The following P3H2 variants were observed in gnomAD, a reference collection of about 807,000 sequenced individuals.
P3H2 encodes the protein leprecan-like 1.
In P3H2, 80 loss-of-function variants were observed where a neutral mutation model predicts 87.0. The ratio of observed to expected loss-of-function variants is 0.92; its 90% confidence interval spans 0.77 to 1.11. P3H2 has a LOEUF of 1.11. P3H2 is among the 50% of genes least tolerant of loss of function. The pLI is 0.00. For synonymous variants in P3H2, 367 were observed against 359.3 expected, an observed-to-expected ratio of 1.02 and a Z score of -0.24; for missense variants, 1,001 against 923.9, an observed-to-expected ratio of 1.08 and a Z score of -1.08.
intron 1 of P3H2, among the ~76,000 whole-genome samples, chr3:190,015,282 G>A (rs1383553999): frequency 2.0e-5 from 3 of 152,160 alleles, no homozygotes; most frequent in African/African-American, 7.2e-5. Context: ...TGATTTTTAA[G>A]ATGACTTCCA....
chr3:190,033,258 C>T (rs1725314517), intron 1 of P3H2, among the ~76,000 whole-genome samples: 1 of 152,142 alleles, frequency 6.6e-6, no homozygotes, highest in African/African-American at 2.4e-5. Flanking sequence ...TCCTAATGGG[C>T]CACAGACTTG....
At chr3:190,051,073 T>G (rs1725966859) in intron 1 of P3H2, among the ~76,000 whole-genome samples, 1 of 152,202 alleles carries the variant, frequency 6.6e-6, no homozygotes, top group Non-Finnish European at 1.5e-5. Flanking sequence ...CAGGTCTTGT[T>G]AGTTCACCTG....
chr3:189,994,227 G>T lies in P3H2; in HGVS notation c.690C>A (p.Ile230=). Residue 230 remains isoleucine, a synonymous_variant, in exon 3 of 15, where the codon ATC becomes ATA. Coordinates refer to ENST00000319332, the MANE Select transcript of P3H2 (RefSeq NM_018192.4). The stretch of plus-strand genomic sequence containing the variant: ...CTCTTAAGGCTTGTTCGAAGTGCCT[G>T]ATAGCCATCTCAAAGTCATCAGCCT... ...HYEADDFEMA[I]RHFEQALREY... The T allele has an allele frequency of 6.2e-7, 1 of 1,613,768 alleles. No individual in the cohort carries two copies. The highest frequency in any genetic ancestry group is 1.1e-5 in the South Asian group (1 of 91,062).
At chr3:190,107,796 G>A (rs1353435716) in intron 1 of P3H2, among the ~76,000 whole-genome samples, 1 of 152,084 alleles carries the variant, frequency 6.6e-6, no homozygotes, top group Non-Finnish European at 1.5e-5. Context: ...TTTCTTTCAA[G>A]CCTCAGAATA....
chr3:190,070,984 G>A (rs182056769), intron 1 of P3H2, among the ~76,000 whole-genome samples: 1 of 152,164 alleles, frequency 6.6e-6, no homozygotes, highest in African/African-American at 2.4e-5. Context: ...CAATTTATTA[G>A]AACAATTTTA....
intron 1 of P3H2, among the ~76,000 whole-genome samples, chr3:190,062,285 TC>T (rs1726354633): frequency 6.6e-6 from 1 of 152,126 alleles, no homozygotes; most frequent in African/African-American, 2.4e-5. Flanking sequence ...TAATTACCTG[TC>T]TTTTGGCATC....
At chr3:190,059,921 C>T (rs886315869) in intron 1 of P3H2, among the ~76,000 whole-genome samples, 12 of 152,168 alleles carry the variant, frequency 7.9e-5, no homozygotes, top group Non-Finnish European at 1.2e-4. Flanking sequence ...AAGTGTGTTA[C>T]GCTGGGAAAC....
intron 1 of P3H2, among the ~76,000 whole-genome samples, chr3:190,085,710 A>G (rs1727191068): frequency 6.6e-6 from 1 of 152,164 alleles, no homozygotes; most frequent in South Asian, 2.1e-4. Context: ...TATGTACAAA[A>G]GTGACTTTTG....
chr3:189,981,494 T>A (rs181097477), intron 8 of P3H2, among the ~76,000 whole-genome samples: 2,119 of 150,294 alleles, frequency 0.014, 43 homozygotes, highest in African/African-American at 0.049. Context: ...TAAAAAAAAA[T>A]TTTTTTTTTC....
intron 1 of P3H2, among the ~76,000 whole-genome samples, chr3:190,049,456 G>A (rs1372956004): frequency 6.6e-6 from 1 of 152,170 alleles, no homozygotes; most frequent in African/African-American, 2.4e-5. Context: ...AGAAAAAAAA[G>A]TTCTGGAGCT....
At chr3:190,117,132 C>T (rs1712318851) in intron 1 of P3H2, among the ~76,000 whole-genome samples, 1 of 152,176 alleles carries the variant, frequency 6.6e-6, no homozygotes, top group South Asian at 2.1e-4. Context: ...GCCCTGTGCT[C>T]ATTTCAACAG....
intron 1 of P3H2, among the ~76,000 whole-genome samples, chr3:190,036,945 A>T (rs73890169): frequency 6.6e-6 from 1 of 150,410 alleles, no homozygotes; most frequent in Non-Finnish European, 1.5e-5. Context: ...GAAAGATAAA[A>T]ATATATATAT....
intron 1 of P3H2, among the ~76,000 whole-genome samples, chr3:190,040,889 A>G (rs2108954318): frequency 6.6e-6 from 1 of 151,230 alleles, no homozygotes; most frequent in Admixed American, 6.6e-5. Context: ...GTGACCTTCA[A>G]GAAGGCACTA....
chr3:190,003,253 T>C (rs1267959549), intron 1 of P3H2, among the ~76,000 whole-genome samples: 2 of 152,156 alleles, frequency 1.3e-5, no homozygotes, highest in African/African-American at 4.8e-5. Flanking sequence ...TTAAACACTC[T>C]AGTGAAGTTT....
At chr3:189,984,675 A>C (rs886762043) in intron 6 of P3H2, 85 bp from the exon 7 acceptor site, 2 of 927,854 alleles carry the variant, frequency 2.2e-6, no homozygotes, top group Non-Finnish European at 3.5e-6. Context: ...TAAAATATGC[A>C]CAAAACATTC....
At chr3:190,014,751 GC>G (rs1353695283) in intron 1 of P3H2, among the ~76,000 whole-genome samples, 1 of 152,048 alleles carries the variant, frequency 6.6e-6, no homozygotes, top group African/African-American at 2.4e-5. Context: ...TAGCATGGAA[GC>G]CTCTTTATCA....
At chr3:190,005,001 CAAATCACTTGTCACAAATCATTTGTCAA>C (rs547019588) in intron 1 of P3H2, among the ~76,000 whole-genome samples, 233 of 152,250 alleles carry the variant, frequency 1.5e-3, no homozygotes, top group African/African-American at 5.6e-3. Context: ...GAATTTGTCA[CAAATCACTTGTCACAAATCATTTGTCAA>C]AAATCATATG....
intron 1 of P3H2, among the ~76,000 whole-genome samples, chr3:190,104,576 C>A (rs1486640032): frequency 2.6e-5 from 4 of 152,140 alleles, no homozygotes; most frequent in Non-Finnish European, 4.4e-5. Flanking sequence ...GGCCTCTGGA[C>A]AGTACATACA....
At chr3:190,092,431 T>C (rs561631319) in intron 1 of P3H2, among the ~76,000 whole-genome samples, 3 of 152,336 alleles carry the variant, frequency 2.0e-5, no homozygotes, top group South Asian at 2.1e-4. Context: ...AAGAAGACAG[T>C]TGCTTAGCAA....
Sources: allele counts gnomAD v4.1 joint callset (sites outside exome capture counted in the v4.1 genomes callset), GRCh38; gene constraint gnomAD v4.1.1; transcripts MANE v1.5; gene names NCBI Gene and HGNC (gene_info 2026-07-23, HGNC 2026-07-21).